The following CNTNAP4 variants were observed in gnomAD, a reference collection of about 807,000 sequenced individuals.
CNTNAP4 encodes the protein contactin associated protein family member 4, also known as contactin-associated protein-like 4.
Under a neutral mutation model 148.4 loss-of-function variants are expected in CNTNAP4, and 98 were observed. That is an observed-to-expected ratio of 0.66 (90% CI 0.56 to 0.78). CNTNAP4 has a LOEUF of 0.78. CNTNAP4 is among the 30% of genes least tolerant of loss of function. The pLI, the probability that CNTNAP4 is intolerant of heterozygous loss-of-function variation, is 0.00. For missense variants in CNTNAP4, 1,935 were observed against 1,565.6 expected, an observed-to-expected ratio of 1.24 and a Z score of -3.98; for synonymous variants, 730 against 565.1, an observed-to-expected ratio of 1.29 and a Z score of -4.14.
At chr16:76,325,400 A>T (rs1186861936) in intron 2 of CNTNAP4, among the ~76,000 whole-genome samples, 1 of 152,204 alleles carries the variant, frequency 6.6e-6, no homozygotes, top group African/African-American at 2.4e-5. Context: ...ACCTAAATTT[A>T]TGCTGGACCA....
intron 4 of CNTNAP4, among the ~76,000 whole-genome samples, chr16:76,444,159 C>G (rs1047428335): frequency 1.3e-5 from 2 of 151,962 alleles, no homozygotes; most frequent in Non-Finnish European, 1.5e-5. Context: ...GGTAGATACG[C>G]AAGAAGTTAA....
chr16:76,304,481 A>C (rs1673554657), intron 1 of CNTNAP4, among the ~76,000 whole-genome samples: 1 of 152,160 alleles, frequency 6.6e-6, no homozygotes, highest in South Asian at 2.1e-4. Context: ...AAAAGGGGGC[A>C]CTATGGCTGA....
intron 3 of CNTNAP4, among the ~76,000 whole-genome samples, chr16:76,384,193 A>G (rs953334492): frequency 6.6e-6 from 1 of 151,640 alleles, no homozygotes; most frequent in Non-Finnish European, 1.5e-5. Flanking sequence ...ACAGGCATGC[A>G]CCACCATGCC....
chr16:76,503,780 T>C (rs2082738636), intron 15 of CNTNAP4, among the ~76,000 whole-genome samples: 1 of 152,032 alleles, frequency 6.6e-6, no homozygotes, highest in Non-Finnish European at 1.5e-5. Context: ...CATGTGATGT[T>C]TGGTTTTTTG....
At chr16:76,451,833 A>G (rs1321622894) in intron 7 of CNTNAP4, among the ~76,000 whole-genome samples, 1 of 152,170 alleles carries the variant, frequency 6.6e-6, no homozygotes, top group Non-Finnish European at 1.5e-5. Flanking sequence ...TAGGGCGACT[A>G]TAGTTAATAA....
intron 2 of CNTNAP4, among the ~76,000 whole-genome samples, chr16:76,331,590 G>T (rs537175832): frequency 4.3e-4 from 65 of 151,156 alleles, no homozygotes; most frequent in African/African-American, 1.5e-3. Context: ...ATATTCCTTA[G>T]CTTTAATGGT....
chr16:76,362,675 G>T lies in CNTNAP4; in HGVS notation c.390+7164G>T, dbSNP rs56696987. On this transcript the variant is annotated intron_variant, in intron 3 of 23. Transcript: ENST00000611870. ...AGGAACAGAAAACCAAATACTGCATGTTCTCACTTATAAATGGGAACATAG... is the reference window on the plus strand; with the variant it reads ...AGGAACAGAAAACCAAATACTGCATTTTCTCACTTATAAATGGGAACATAG... Among the ~76,000 whole-genome samples the T allele has an allele frequency of 0.01, 1,593 of 152,266 alleles. 90 individuals carry two copies. In the East Asian group the frequency reaches 0.14, roughly 13 times the overall value.
intron 21 of CNTNAP4, among the ~76,000 whole-genome samples, chr16:76,548,465 A>G (rs894842810): frequency 6.6e-6 from 1 of 151,934 alleles, no homozygotes; most frequent in Non-Finnish European, 1.5e-5. Flanking sequence ...CACTCCTTGT[A>G]ATTGTTCTTA....
chr16:76,308,526 A>G (rs1307008991), intron 1 of CNTNAP4, among the ~76,000 whole-genome samples: 1 of 152,222 alleles, frequency 6.6e-6, no homozygotes, highest in African/African-American at 2.4e-5. Context: ...GTGGGGTGTC[A>G]CACCACAAAA....
At chr16:76,437,628 A>G (rs369479156) in intron 4 of CNTNAP4, among the ~76,000 whole-genome samples, 1 of 152,282 alleles carries the variant, frequency 6.6e-6, no homozygotes, top group East Asian at 1.9e-4. Flanking sequence ...CCTATGAGAG[A>G]CATAAAGACC....
At chr16:76,473,268 TTTATGA>T (rs2081436602) in intron 10 of CNTNAP4, among the ~76,000 whole-genome samples, 1 of 152,220 alleles carries the variant, frequency 6.6e-6, no homozygotes, top group Non-Finnish European at 1.5e-5. Flanking sequence ...GTAGCATTTC[TTTATGA>T]TTATATTTAT....
intron 15 of CNTNAP4, among the ~76,000 whole-genome samples, chr16:76,516,102 C>G (rs575299388): frequency 6.7e-6 from 1 of 149,988 alleles, no homozygotes; most frequent in Non-Finnish European, 1.5e-5. Context: ...TGCCCCCCAC[C>G]CCCCAACAGG....
At chr16:76,446,596 C>A (rs1303362097) in intron 4 of CNTNAP4, among the ~76,000 whole-genome samples, 2 of 151,994 alleles carry the variant, frequency 1.3e-5, no homozygotes, top group Non-Finnish European at 1.5e-5. Context: ...TTGAAAAAAA[C>A]ATGTCAATGT....
intron 1 of CNTNAP4, among the ~76,000 whole-genome samples, chr16:76,314,689 A>T (rs1444517089): frequency 2.0e-5 from 3 of 152,148 alleles, no homozygotes; most frequent in Non-Finnish European, 4.4e-5. Flanking sequence ...AAGCATCTGG[A>T]GGCTAGGAAT....
chr16:76,439,621 T>A (rs954420317), intron 4 of CNTNAP4, among the ~76,000 whole-genome samples: 3 of 152,148 alleles, frequency 2.0e-5, no homozygotes, highest in Admixed American at 6.6e-5. Flanking sequence ...TTAATTTACA[T>A]TGACAAAAAT....
At chr16:76,500,526 A>T (rs2082591458) in intron 15 of CNTNAP4, among the ~76,000 whole-genome samples, 1 of 152,116 alleles carries the variant, frequency 6.6e-6, no homozygotes, top group Admixed American at 6.5e-5. Context: ...TCCTACTGTT[A>T]GGCCTGGGAT....
chr16:76,434,538 A>T (rs569422110), intron 4 of CNTNAP4, among the ~76,000 whole-genome samples: 62 of 152,204 alleles, frequency 4.1e-4, no homozygotes, highest in Admixed American at 1.4e-3. Context: ...TCCAAGATCC[A>T]TCTGTCTTCT....
intron 4 of CNTNAP4, among the ~76,000 whole-genome samples, chr16:76,433,944 C>G (rs1248205043): frequency 6.6e-6 from 1 of 151,732 alleles, no homozygotes; most frequent in Non-Finnish European, 1.5e-5. Flanking sequence ...TAATTCTTTG[C>G]AAAATTTATA....
At chr16:76,308,683 C>G (rs1262219050) in intron 1 of CNTNAP4, among the ~76,000 whole-genome samples, 1 of 152,212 alleles carries the variant, frequency 6.6e-6, no homozygotes, top group African/African-American at 2.4e-5. Flanking sequence ...TAGCATGGTT[C>G]TGGCTGTGGG....
Sources: gnomAD v4.1 joint callset for allele counts (sites outside exome capture counted in the v4.1 genomes callset) on GRCh38, gnomAD v4.1.1 for gene constraint, MANE v1.5 for transcripts, NCBI Gene and HGNC (gene_info 2026-07-23, HGNC 2026-07-21) for gene names.